The following AXDND1 variants were observed in gnomAD, a reference collection of about 807,000 sequenced individuals.
AXDND1 encodes the protein axonemal dynein light chain domain-containing protein 1.
Under a neutral mutation model 137.5 loss-of-function variants are expected in AXDND1, and 110 were observed. The ratio of observed to expected loss-of-function variants is 0.80; its 90% CI spans 0.69 to 0.94. AXDND1 has a LOEUF of 0.94. AXDND1 is among the 40% of genes least tolerant of loss of function. The probability of loss-of-function intolerance (pLI) is 0.00; values close to 1 mark genes in which losing one functional copy is unlikely to be tolerated. For synonymous variants in AXDND1, 414 were observed against 399.7 expected, an observed-to-expected ratio of 1.04 and a Z score of -0.43; for missense variants, 1,191 against 1,169.8, an observed-to-expected ratio of 1.02 and a Z score of -0.26.
intron 21 of AXDND1, among the ~76,000 whole-genome samples, chr1:179,524,043 G>T (rs1670314059): frequency 1.3e-5 from 2 of 152,084 alleles, no homozygotes; most frequent in Non-Finnish European, 2.9e-5. Flanking sequence ...ATGGCTGAGT[G>T]GTATTCCATG....
chr1:179,480,405 G>A (rs1030461332), intron 17 of AXDND1, among the ~76,000 whole-genome samples: 18 of 152,100 alleles, frequency 1.2e-4, no homozygotes, highest in Admixed American at 5.9e-4. Context: ...TCACTACCAC[G>A]AGAACAGTAT....
At chr1:179,382,088 T>G (rs1648451173) in intron 6 of AXDND1, among the ~76,000 whole-genome samples, 1 of 150,438 alleles carries the variant, frequency 6.6e-6, no homozygotes, top group Non-Finnish European at 1.5e-5. Context: ...TATTTTTATT[T>G]TTTATTTTTT....
At chr1:179,466,467 C>CT (rs71297883) in intron 16 of AXDND1, among the ~76,000 whole-genome samples, 25,341 of 151,396 alleles carry the variant, frequency 0.17, 2,463 homozygotes, top group East Asian at 0.35. Flanking sequence ...CGGTGTTTTT[C>CT]TTTAGTGTGT....
chr1:179,425,930 G>A (rs568471812), intron 12 of AXDND1, among the ~76,000 whole-genome samples: 5 of 150,500 alleles, frequency 3.3e-5, no homozygotes, highest in African/African-American at 4.9e-5. Flanking sequence ...TCTGCCTCCC[G>A]GGTTCAAGCG....
chr1:179,552,257 C>G (rs983686503), intron 25 of AXDND1: 6 of 366,860 alleles, frequency 1.6e-5, no homozygotes, highest in Admixed American at 1.5e-4. Context: ...CTAGGGGATA[C>G]CTAGAAGTTA....
chr1:179,510,315 T>A (rs548065720), intron 21 of AXDND1, among the ~76,000 whole-genome samples: 1 of 152,278 alleles, frequency 6.6e-6, no homozygotes, highest in East Asian at 1.9e-4. Flanking sequence ...TTTGAAGGCG[T>A]TCTCCTCCAG....
chr1:179,488,634 C>CTTTCTTTCTTTCTTTTTCTTT (rs376189496), intron 18 of AXDND1, among the ~76,000 whole-genome samples: 2 of 105,254 alleles, frequency 1.9e-5, no homozygotes, highest in East Asian at 5.2e-4. Context: ...CTCTCTCTCT[C>CTTTCTTTCTTTCTTTTTCTTT]CTTTCTTTCT....
At chr1:179,535,327 A>C (rs926996038) in intron 25 of AXDND1, among the ~76,000 whole-genome samples, 2 of 152,026 alleles carry the variant, frequency 1.3e-5, no homozygotes, top group Admixed American at 6.6e-5. Flanking sequence ...GCACCCATCA[A>C]CTCATCATTT....
At chr1:179,421,000 C>G (rs577596287) in intron 12 of AXDND1, among the ~76,000 whole-genome samples, 1 of 152,096 alleles carries the variant, frequency 6.6e-6, no homozygotes, top group South Asian at 2.1e-4. Flanking sequence ...TCAGTTGTTA[C>G]ATCTTCTTTT....
intron 23 of AXDND1, among the ~76,000 whole-genome samples, chr1:179,530,056 T>C (rs561552774): frequency 1.3e-5 from 2 of 152,004 alleles, no homozygotes; most frequent in South Asian, 4.2e-4. Context: ...AGAGACAGAG[T>C]CTTCGCACTG....
chr1:179,539,743 T>C (rs1347215612), intron 25 of AXDND1, among the ~76,000 whole-genome samples: 2 of 152,216 alleles, frequency 1.3e-5, no homozygotes, highest in Non-Finnish European at 2.9e-5. Flanking sequence ...CCTGCCTTGC[T>C]AGGATGGGGA....
chr1:179,409,482 AT>A (rs200952497), intron 11 of AXDND1, among the ~76,000 whole-genome samples: 1 of 152,040 alleles, frequency 6.6e-6, no homozygotes, highest in Non-Finnish European at 1.5e-5. Context: ...AACTTTATGT[AT>A]TTTTTTAATA....
At chr1:179,370,264 A>G (rs1406719454) in intron 4 of AXDND1, among the ~76,000 whole-genome samples, 186 bp downstream of exon 4, 1 of 152,246 alleles carries the variant, frequency 6.6e-6, no homozygotes, top group Non-Finnish European at 1.5e-5. Context: ...GATTATTATC[A>G]GTAGGATGGA....
At chr1:179,410,261 T>G (rs1653659373) in intron 11 of AXDND1, among the ~76,000 whole-genome samples, 1 of 152,114 alleles carries the variant, frequency 6.6e-6, no homozygotes, top group Non-Finnish European at 1.5e-5. Context: ...GTCTTTTAAT[T>G]TTTCTGTCGC....
rs971554405 is a variant in AXDND1, at chr1:179,457,090, T to G, written c.1799-11353T>G. 3.5e-5 allele frequency: 47 copies of G among 1,326,810 alleles called. No homozygotes were observed. The African/African-American group carries it at 6.0e-4, about 17-fold the overall frequency. The allele number at this position is 1,326,810 out of a possible 1,614,324, so 82.2% of individuals were successfully genotyped here. A position where few individuals can be genotyped will look rare whatever the true frequency, so the allele number is the denominator to read the frequency against. ...AGACAGCTCTCTTTGGTTCCACAAC[T>G]CTTCCATCCACCTTTTGTGGCCTTG... On this transcript the variant is annotated intron_variant, in intron 16 of 25. Coordinates refer to ENST00000367618, the MANE Select transcript of AXDND1 (RefSeq NM_144696.6).
At chr1:179,491,221 G>A (rs1350970309) in intron 18 of AXDND1, among the ~76,000 whole-genome samples, 2 of 152,238 alleles carry the variant, frequency 1.3e-5, no homozygotes, top group Admixed American at 1.3e-4. Flanking sequence ...TAAGATGGAT[G>A]GATCACCTGA....
At chr1:179,552,677 CT>C in intron 25 of AXDND1, 1 of 1,613,704 alleles carries the variant, frequency 6.2e-7, no homozygotes, top group Non-Finnish European at 8.5e-7. Flanking sequence ...AACCTCACAT[CT>C]TTACTGAAAA....
intron 12 of AXDND1, among the ~76,000 whole-genome samples, chr1:179,428,822 T>C (rs1656955927): frequency 6.6e-6 from 1 of 152,230 alleles, no homozygotes; most frequent in African/African-American, 2.4e-5. Context: ...AAATATGCTA[T>C]TTATGTTAAT....
At chr1:179,463,702 T>C (rs1662707528) in intron 16 of AXDND1, among the ~76,000 whole-genome samples, 1 of 152,234 alleles carries the variant, frequency 6.6e-6, no homozygotes. Flanking sequence ...TTGATCTGTC[T>C]ACTGTTGACA....
Sources: gnomAD v4.1 joint callset for allele counts (sites outside exome capture counted in the v4.1 genomes callset) on GRCh38, gnomAD v4.1.1 for gene constraint, MANE v1.5 for transcripts, NCBI Gene and HGNC (gene_info 2026-07-23, HGNC 2026-07-21) for gene names.